The following SLC44A5 variants were observed in gnomAD, a reference collection of about 807,000 sequenced individuals.
SLC44A5 encodes the protein choline transporter-like protein 5.
A neutral mutation model predicts 101.8 loss-of-function variants in SLC44A5; 57 were observed. That is an observed-to-expected ratio of 0.56 (90% CI 0.45 to 0.70). SLC44A5 has a LOEUF of 0.70. Ranked by LOEUF, SLC44A5 falls within the 30% of genes least tolerant of loss-of-function variation. The pLI is 0.00. For synonymous variants in SLC44A5, 281 were observed against 290.9 expected, an observed-to-expected ratio of 0.97 and a Z score of 0.35; for missense variants, 737 against 853.1, an observed-to-expected ratio of 0.86 and a Z score of 1.70.
chr1:75,372,699 C>A (rs1454746514), intron 3 of SLC44A5, among the ~76,000 whole-genome samples: 2 of 152,122 alleles, frequency 1.3e-5, no homozygotes, highest in African/African-American at 2.4e-5. Context: ...ATTAGCTAAA[C>A]TTTTCATGGT....
At chr1:75,482,835 C>G (rs1667949493) in intron 2 of SLC44A5, among the ~76,000 whole-genome samples, 1 of 152,066 alleles carries the variant, frequency 6.6e-6, no homozygotes, top group Admixed American at 6.6e-5. Context: ...AGATATATAT[C>G]ATTTTCTTCC....
the SLC44A5 span, among the ~76,000 whole-genome samples, chr1:75,629,613 G>GCC: frequency 1.3e-5 from 2 of 152,088 alleles, no homozygotes; most frequent in African/African-American, 4.8e-5. Flanking sequence ...ATAGCACAGC[G>GCC]AAGAGAAGGC....
intron 3 of SLC44A5, among the ~76,000 whole-genome samples, chr1:75,361,548 T>C (rs1659490017): frequency 6.6e-6 from 1 of 152,142 alleles, no homozygotes; most frequent in African/African-American, 2.4e-5. Flanking sequence ...TGAGAGTTTT[T>C]ATCATAATAG....
intron 1 of SLC44A5, among the ~76,000 whole-genome samples, chr1:75,606,658 A>G (rs953864659): frequency 1.3e-5 from 2 of 152,036 alleles, no homozygotes; most frequent in East Asian, 3.9e-4. Context: ...TCAAAGCATC[A>G]TTGCCACCAC....
At chr1:75,285,049 T>C (rs1236434805) in intron 5 of SLC44A5, among the ~76,000 whole-genome samples, 1 of 151,952 alleles carries the variant, frequency 6.6e-6, no homozygotes, top group Non-Finnish European at 1.5e-5. Flanking sequence ...GGTTCCCTCT[T>C]TATCTTTTGG....
At chr1:75,209,204 T>C (rs1355401862) in intron 23 of SLC44A5, among the ~76,000 whole-genome samples, 1 of 152,220 alleles carries the variant, frequency 6.6e-6, no homozygotes, top group Non-Finnish European at 1.5e-5. Flanking sequence ...AAACATTTCT[T>C]ACTGTCAAAA....
At chr1:75,330,151 G>GTATATGCATATATATACATA (rs1553162292) in intron 4 of SLC44A5, among the ~76,000 whole-genome samples, 3 of 117,792 alleles carry the variant, frequency 2.5e-5, no homozygotes, top group Middle Eastern at 9.3e-3. Context: ...ATGCATATAC[G>GTATATGCATATATATACATA]TATATGCATA....
chr1:75,368,872 A>G (rs1184020908), intron 3 of SLC44A5, among the ~76,000 whole-genome samples: 1 of 152,242 alleles, frequency 6.6e-6, no homozygotes, highest in African/African-American at 2.4e-5. Context: ...TAAGTGTACT[A>G]ACCAATTAAA....
intron 6 of SLC44A5, among the ~76,000 whole-genome samples, chr1:75,269,919 G>A (rs1197721436): frequency 1.3e-5 from 2 of 152,112 alleles, no homozygotes; most frequent in Admixed American, 1.3e-4. Context: ...TTGAATGGTG[G>A]GGGCAGTTTC....
At chr1:75,679,573 G>C in the SLC44A5 span, among the ~76,000 whole-genome samples, 38,642 of 150,686 alleles carry the variant, frequency 0.26, 5,868 homozygotes, top group East Asian at 0.67. Context: ...GAGAGATTTT[G>C]TCACCACCAG....
intron 7 of SLC44A5, among the ~76,000 whole-genome samples, chr1:75,249,953 G>C (rs1311603944): frequency 6.6e-6 from 1 of 152,068 alleles, no homozygotes; most frequent in Non-Finnish European, 1.5e-5. Context: ...TTGAATCTGG[G>C]TGTGACCTAT....
Position 75,300,634 on chromosome 1 carries a change from G to A in SLC44A5, c.153C>T (p.Gly51=). ...CCMIFLLCII[G]YIVLGLVAWV... is the part of the protein sequence containing the mutation. ...CACCCACAAGTCCTAAAACAATGTA[G>A]CCAATAATACACAGTAGGAAGATCA... is the stretch of plus-strand genomic sequence containing the variant. The change falls in exon 5 of 24, where the codon GGC becomes GGT. Residue 51 remains glycine (G), a synonymous_variant. Coordinates refer to ENST00000370859, the MANE Select transcript of SLC44A5 (RefSeq NM_001130058.2). 6.2e-7 allele frequency: 1 copy of A among 1,604,594 alleles called. No homozygotes were observed.
chr1:75,624,467 A>G, the SLC44A5 span, among the ~76,000 whole-genome samples: 2 of 152,064 alleles, frequency 1.3e-5, no homozygotes, highest in Non-Finnish European at 2.9e-5. Flanking sequence ...CAGAGTGCTA[A>G]GGCTTTATTA....
chr1:75,640,933 C>T, the SLC44A5 span, among the ~76,000 whole-genome samples: 1,039 of 152,006 alleles, frequency 6.8e-3, 17 homozygotes, highest in Admixed American at 0.037. Context: ...AAAAGTCCCA[C>T]GGAAATAGTC....
chr1:75,244,691 G>C (rs1648960192), intron 7 of SLC44A5, among the ~76,000 whole-genome samples: 1 of 152,040 alleles, frequency 6.6e-6, no homozygotes, highest in Admixed American at 6.6e-5. Context: ...TGCCAAGCCA[G>C]ATCACCATGC....
At chr1:75,255,249 T>C (rs1443764531) in intron 6 of SLC44A5, among the ~76,000 whole-genome samples, 4 of 151,742 alleles carry the variant, frequency 2.6e-5, no homozygotes, top group Non-Finnish European at 4.4e-5. Context: ...AATCAAAACA[T>C]AAAAGAGAAA....
intron 1 of SLC44A5, among the ~76,000 whole-genome samples, chr1:75,608,573 A>C (rs773253564): frequency 6.6e-6 from 1 of 152,018 alleles, no homozygotes; most frequent in Admixed American, 6.6e-5. Context: ...CCCCAGAGTA[A>C]AAACCAAAGT....
At chr1:75,638,445 C>G in the SLC44A5 span, among the ~76,000 whole-genome samples, 1 of 151,900 alleles carries the variant, frequency 6.6e-6, no homozygotes, top group Non-Finnish European at 1.5e-5. Flanking sequence ...GAAATAAAAC[C>G]TGCAAGGAAT....
chr1:75,523,764 A>G (rs1029436262), intron 2 of SLC44A5, among the ~76,000 whole-genome samples: 2 of 152,212 alleles, frequency 1.3e-5, no homozygotes, highest in African/African-American at 4.8e-5. Context: ...ACATTTGACA[A>G]TATCTGGAGT....
Sources: gnomAD v4.1 joint callset for allele counts (sites outside exome capture counted in the v4.1 genomes callset) on GRCh38, gnomAD v4.1.1 for gene constraint, MANE v1.5 for transcripts, NCBI Gene and HGNC (gene_info 2026-07-23, HGNC 2026-07-21) for gene names.